Variants in CLPTM1 observed in about 807,000 individuals in gnomAD.
CLPTM1 encodes the protein CLPTM1 regulator of GABA type A receptor forward trafficking.
Under a neutral mutation model 77.3 loss-of-function variants are expected in CLPTM1, and 21 were observed. The ratio of observed to expected loss-of-function variants is 0.27; its 90% CI spans 0.19 to 0.39. The LOEUF (loss-of-function observed/expected upper bound fraction) is 0.39, where lower values mean the gene tolerates loss of function less well. Among genes scored for constraint, CLPTM1 ranks in the 10% least tolerant of loss-of-function variants. The probability of loss-of-function intolerance (pLI) is 1.00; values close to 1 mark genes in which losing one functional copy is unlikely to be tolerated. For synonymous variants in CLPTM1, 373 were observed against 381.0 expected, an observed-to-expected ratio of 0.98 and a Z score of 0.24; for missense variants, 642 against 921.2, an observed-to-expected ratio of 0.70 and a Z score of 3.92.
intron 6 of CLPTM1, among the ~76,000 whole-genome samples, chr19:44,985,725 C>CCG (rs1456358842): frequency 1.3e-5 from 2 of 152,180 alleles, no homozygotes; most frequent in African/African-American, 4.8e-5. Flanking sequence ...GCTGTCACTC[C>CCG]CAGTGGGCTG....
At chr19:44,982,221 C>T (rs973793093) in intron 5 of CLPTM1, among the ~76,000 whole-genome samples, 1 of 151,842 alleles carries the variant, frequency 6.6e-6, no homozygotes, top group Non-Finnish European at 1.5e-5. Context: ...TGGTGGCTAA[C>T]GCTTGTAATT....
At chr19:44,971,431 C>A (rs1328836942) in intron 2 of CLPTM1, among the ~76,000 whole-genome samples, 1 of 152,114 alleles carries the variant, frequency 6.6e-6, no homozygotes, top group East Asian at 1.9e-4. Context: ...CCCACTGTTA[C>A]TAAAATTGGA....
At chr19:44,983,822 C>G (rs2122315067) in intron 5 of CLPTM1, among the ~76,000 whole-genome samples, 1 of 151,882 alleles carries the variant, frequency 6.6e-6, no homozygotes, top group South Asian at 2.1e-4. Flanking sequence ...ATTAGCAGAG[C>G]CTGGTGGCAC....
chr19:44,971,639 G>C (rs1485080123), intron 2 of CLPTM1, among the ~76,000 whole-genome samples: 2 of 150,584 alleles, frequency 1.3e-5, no homozygotes, highest in African/African-American at 4.9e-5. Context: ...TCTCACTGCA[G>C]CCTTGACCGT....
chr19:44,992,508 T>A lies in CLPTM1; in HGVS notation c.1724-103T>A. Reference sequence around the variant, plus strand: ...ACGGCCCCAGATGGGGTGCTCAGTCTGAGGGGGCTCGGCCCCGCCCTTGCA... The same window carrying A: ...ACGGCCCCAGATGGGGTGCTCAGTCAGAGGGGGCTCGGCCCCGCCCTTGCA... On this transcript the variant is annotated intron_variant, in intron 13 of 13. Coordinates refer to ENST00000337392, the MANE Select transcript of CLPTM1 (RefSeq NM_001294.4). The surrounding 1 kb of genome is among the most constrained non-coding windows in gnomAD (Gnocchi z 7.7). The A allele has an allele frequency of 6.3e-7, 1 of 1,590,418 alleles. No individual in the cohort carries two copies. The highest frequency in any genetic ancestry group is 8.6e-7 in the Non-Finnish European group (1 of 1,163,630).
rs1003122700 is a variant in CLPTM1, at chr19:44,990,250, A to G, written c.1133-145A>G. ...CAATGAATATGAGAGCCTTCCTGGGAGAGAGGGGTCTCGTTCAGCACCCCT... is the reference window on the plus strand; with the variant it reads ...CAATGAATATGAGAGCCTTCCTGGGGGAGAGGGGTCTCGTTCAGCACCCCT... On this transcript the variant is annotated intron_variant, in intron 9 of 13. Coordinates refer to ENST00000337392, the MANE Select transcript of CLPTM1 (RefSeq NM_001294.4). The surrounding 1 kb of genome is among the most constrained non-coding windows in gnomAD (Gnocchi z 4.8). 38 of 755,038 alleles carry G rather than the reference A, an allele frequency of 5.0e-5. No individual in the cohort carries two copies. The African/African-American group carries it at 6.5e-4, about 13-fold the overall frequency. The allele number at this position is 755,038 out of a possible 1,614,324, so 46.8% of individuals were successfully genotyped here.
At position 44,990,642 on chromosome 19, in the gene CLPTM1, T is replaced by C. The variant is rs186034451; in HGVS notation, c.1323+57T>C. On this transcript the variant is annotated intron_variant, in intron 10 of 13. Transcript: ENST00000337392. The surrounding 1 kb of genome is among the most constrained non-coding windows in gnomAD (Gnocchi z 4.8). ...CTGCAGGGGTTGGGAGGGGGTAGTGTGGCCCAGCTGGACCCTGGAGCTGGC... is the reference window on the plus strand; with the variant it reads ...CTGCAGGGGTTGGGAGGGGGTAGTGCGGCCCAGCTGGACCCTGGAGCTGGC... 7.5e-5 allele frequency: 118 copies of C among 1,572,634 alleles called. No homozygotes were observed. In the African/African-American group the frequency reaches 1.4e-3, roughly 19 times the overall value.
upstream of CLPTM1, chr19:44,954,955 G>T: frequency 6.5e-7 from 1 of 1,531,760 alleles, no homozygotes; most frequent in South Asian, 1.2e-5. Flanking sequence ...AGGTTCCTCT[G>T]ACGAAAGAGG....
Position 44,978,297 on chromosome 19 carries a change from T to C in CLPTM1, c.586+837T>C, listed in dbSNP as rs186442178. Among the ~76,000 whole-genome samples, 672 of 150,724 alleles carry C rather than the reference T, an allele frequency of 4.5e-3. 6 individuals are homozygous for C. Among genetic ancestry groups the C allele is most frequent in the African/African-American group, 0.016 (637 of 40,916 alleles). On this transcript the variant is annotated intron_variant, in intron 5 of 13. Coordinates refer to ENST00000337392, the MANE Select transcript of CLPTM1 (RefSeq NM_001294.4). ...GCATGCTCCTGTAGTCCCAGCTACT[T>C]GGGAGGCTGAGGCAGGAGAATCGCT...
chr19:44,987,367 A>G lies in CLPTM1; in HGVS notation c.982A>G (p.Asn328Asp). The G allele has an allele frequency of 1.9e-6, 3 of 1,614,212 alleles. No individual in the cohort carries two copies. The highest frequency in any genetic ancestry group is 2.5e-6 in the Non-Finnish European group (3 of 1,180,040). Residue 328 changes from asparagine to aspartate, a missense_variant, in exon 8 of 14, where the codon AAC becomes GAC. Around this residue, in one of 2 missense-constraint regions of CLPTM1, gnomAD observed 521 missense variants for 800.4 expected, o/e 0.65. Coordinates refer to ENST00000337392, the MANE Select transcript of CLPTM1 (RefSeq NM_001294.4). ...YAAQSTKSPW[N>D]FLGDELYEQS... ...TGCCCAGAGCACCAAGTCGCCCTGGAACTTCCTGGGTGATGAGTTGTACGA... is the reference window on the plus strand; with the variant it reads ...TGCCCAGAGCACCAAGTCGCCCTGGGACTTCCTGGGTGATGAGTTGTACGA...
chr19:44,971,099 G>A (rs1032909487), intron 2 of CLPTM1, among the ~76,000 whole-genome samples: 7 of 151,938 alleles, frequency 4.6e-5, no homozygotes, highest in African/African-American at 1.7e-4. Flanking sequence ...CCAAAGTGCT[G>A]GGATTACAGG....
chr19:44,987,589 C>T (rs1478335581), intron 8 of CLPTM1, 166 bp downstream of exon 8: 2 of 863,048 alleles, frequency 2.3e-6, no homozygotes, highest in East Asian at 5.3e-5. Flanking sequence ...AAGTGGGCAC[C>T]CAGCCCTCCA....
In CLPTM1 at chr19:44,962,056, A is replaced by G; in HGVS notation, c.166A>G (p.Ile56Val). 1 of 1,609,004 alleles carries G rather than the reference A, an allele frequency of 6.2e-7. No homozygotes were observed. The highest frequency in any genetic ancestry group is 1.1e-5 in the South Asian group (1 of 90,308). The change falls in exon 2 of 14, where the codon ATC (isoleucine) becomes GTC (valine). Residue 56 changes from isoleucine (I) to valine (V), a missense_variant. Physicochemically the swap from Ile to Val is conservative, Grantham distance 29 (BLOSUM62 3). Coordinates refer to ENST00000337392, the MANE Select transcript of CLPTM1 (RefSeq NM_001294.4). ...GCCGGCACCCAATGCCTGGCAGGTC[A>G]TCAAAGGTGTGCTGTTTAGGTGAGC... is the stretch of plus-strand genomic sequence containing the variant. Reference protein sequence around the residue: ...AQPAPNAWQVIKGVLFRIFII... With the variant: ...AQPAPNAWQVVKGVLFRIFII...
upstream of CLPTM1, chr19:44,955,281 T>C (rs1381560037): frequency 3.4e-5 from 49 of 1,460,810 alleles, no homozygotes; most frequent in Non-Finnish European, 4.3e-5. Context: ...TGCGGCACTC[T>C]TGCCGGATAG....
At chr19:44,982,291 G>T (rs918780317) in intron 5 of CLPTM1, among the ~76,000 whole-genome samples, 2 of 151,822 alleles carry the variant, frequency 1.3e-5, no homozygotes, top group Admixed American at 1.3e-4. Flanking sequence ...AGAGGTTGCA[G>T]TGAGCTGAAA....
At chr19:44,980,464 G>A (rs145729706) in intron 5 of CLPTM1, among the ~76,000 whole-genome samples, 2,417 of 147,762 alleles carry the variant, frequency 0.016, 26 homozygotes, top group Non-Finnish European at 0.021. Context: ...AGCCGAGATC[G>A]TGCCACTGTA....
Position 44,987,638 on chromosome 19 carries a change from G to A in CLPTM1, c.1038+215G>A, listed in dbSNP as rs773035365. On this transcript the variant is annotated intron_variant, in intron 8 of 13. Coordinates refer to ENST00000337392, the MANE Select transcript of CLPTM1 (RefSeq NM_001294.4). ...GGGGGTCCTCTCCCCAGGCTGTTCT[G>A]TTGGACCCTTTGGGTCCAGACCTGT... 8.3e-5 allele frequency: 52 copies of A among 627,296 alleles called. No homozygotes were observed. The Middle Eastern group carries it at 1.7e-3, about 20-fold the overall frequency. 38.9% of individuals were successfully genotyped at this position (627,296 alleles called of 1,614,324 possible).
At position 44,987,195 on chromosome 19, in the gene CLPTM1, C is replaced by T. The variant is rs373820261; in HGVS notation, c.810C>T (p.Ala270=). ...PPLDQYVKFD[A]VSGDYYPIIY... is the part of the protein sequence containing the mutation. ...GTGCTGCAGATGTGAAGTTCGACGC[C>T]GTGAGCGGTGACTACTATCCCATCA... The change falls in exon 8 of 14, where the codon GCC becomes GCT. Residue 270 remains alanine, a synonymous_variant. Coordinates refer to ENST00000337392, the MANE Select transcript of CLPTM1 (RefSeq NM_001294.4). The T allele has an allele frequency of 6.8e-6, 11 of 1,611,154 alleles. No homozygotes were observed. The highest frequency in any genetic ancestry group is 1.3e-5 in the African/African-American group (1 of 74,880).
intron 5 of CLPTM1, among the ~76,000 whole-genome samples, chr19:44,977,964 A>C (rs1970831886): frequency 6.6e-6 from 1 of 152,136 alleles, no homozygotes; most frequent in African/African-American, 2.4e-5. Flanking sequence ...AAAAAGACAC[A>C]AAAACTAGCT....
Sources: gnomAD v4.1 joint callset for allele counts (sites outside exome capture counted in the v4.1 genomes callset) on GRCh38, gnomAD v4.1.1 for gene constraint, gnomAD v4.1.1 regional missense constraint, Gnocchi (gnomAD v3.1) non-coding constraint, MANE v1.5 for transcripts, NCBI Gene and HGNC (gene_info 2026-07-23, HGNC 2026-07-21) for gene names.